The following UNC5C variants were observed in gnomAD, a reference collection of about 807,000 sequenced individuals.
UNC5C encodes unc-5 netrin receptor C.
Under a neutral mutation model 99.8 loss-of-function variants are expected in UNC5C, and 47 were observed. The observed-to-expected ratio is 0.47, with a 90% CI of 0.37 to 0.60. UNC5C has a LOEUF of 0.60. UNC5C is among the 20% of genes least tolerant of loss of function. The pLI, the probability that UNC5C is intolerant of heterozygous loss-of-function variation, is 0.00. For synonymous variants in UNC5C, 487 were observed against 452.2 expected (o/e 1.08, Z -0.98); for missense variants, 1,062 against 1,165.9 (o/e 0.91, Z 1.30).
At chr4:95,533,307 A>C (rs1578213272) in intron 1 of UNC5C, among the ~76,000 whole-genome samples, 2 of 152,078 alleles carry the variant, frequency 1.3e-5, no homozygotes, top group African/African-American at 4.8e-5. Flanking sequence ...GCCGAGGAAG[A>C]ATTGCTTGAA....
At chr4:95,425,327 C>T (rs28513552) in intron 1 of UNC5C, among the ~76,000 whole-genome samples, 17,980 of 152,196 alleles carry the variant, frequency 0.12, 2,022 homozygotes, top group African/African-American at 0.29. Flanking sequence ...AACTTTATGT[C>T]ATTTTATTTT....
intron 12 of UNC5C, among the ~76,000 whole-genome samples, chr4:95,199,422 G>A (rs1737562602): frequency 6.6e-6 from 1 of 152,100 alleles, no homozygotes; most frequent in Non-Finnish European, 1.5e-5. Context: ...GTGCAAGAAA[G>A]CCTCATCCAT....
chr4:95,535,945 A>T (rs1332840927), intron 1 of UNC5C, among the ~76,000 whole-genome samples: 1 of 152,050 alleles, frequency 6.6e-6, no homozygotes, highest in Non-Finnish European at 1.5e-5. Flanking sequence ...GATATACTTT[A>T]AAAAATGAAA....
At chr4:95,308,433 T>C (rs976380993) in intron 2 of UNC5C, among the ~76,000 whole-genome samples, 1 of 151,406 alleles carries the variant, frequency 6.6e-6, no homozygotes, top group African/African-American at 2.4e-5. Flanking sequence ...CAATAAAACA[T>C]GAAAGAAATA....
At chr4:95,528,882 C>T (rs1401195961) in intron 1 of UNC5C, among the ~76,000 whole-genome samples, 1 of 152,006 alleles carries the variant, frequency 6.6e-6, no homozygotes, top group Non-Finnish European at 1.5e-5. Flanking sequence ...CCAGTAGCCT[C>T]TGTGAGTTAA....
rs188430331 is a variant in UNC5C at position 95,301,827 on chromosome 4, C to T, written c.347-78G>A. On this transcript the variant is annotated intron_variant, in intron 2 of 15. Transcript: ENST00000453304. ...ATATAAACCATCACATCATATTTTTCCCCCAGTCATCCCTTTTGATGCCAT... is the reference window on the plus strand; with the variant it reads ...ATATAAACCATCACATCATATTTTTTCCCCAGTCATCCCTTTTGATGCCAT... 321 of 1,513,450 alleles carry T rather than the reference C, an allele frequency of 2.1e-4. No homozygotes were observed. The African/African-American group carries it at 3.9e-3, about 18-fold the overall frequency. The allele number at this position is 1,513,450 out of a possible 1,614,324, so 93.8% of individuals were successfully genotyped here.
intron 12 of UNC5C, among the ~76,000 whole-genome samples, chr4:95,201,642 C>A (rs549124574): frequency 4.6e-5 from 7 of 151,394 alleles, no homozygotes; most frequent in Admixed American, 1.3e-4. Context: ...TTCACTCTGT[C>A]GCCTAGGCTG....
At chr4:95,487,715 G>T (rs75003106) in intron 1 of UNC5C, among the ~76,000 whole-genome samples, 1 of 151,586 alleles carries the variant, frequency 6.6e-6, no homozygotes. Context: ...TAAATTTGGG[G>T]TCTAAATTAA....
chr4:95,260,155 A>C (rs140052180), intron 4 of UNC5C, among the ~76,000 whole-genome samples: 1 of 152,312 alleles, frequency 6.6e-6, no homozygotes, highest in African/African-American at 2.4e-5. Flanking sequence ...TGGGACTCAA[A>C]ATTCTGTGAC....
Position 95,504,208 on chromosome 4 carries a change from T to G in UNC5C, c.124+44526A>C, listed in dbSNP as rs964839. Among the ~76,000 whole-genome samples the G allele has an allele frequency of 7.1e-3, 1,075 of 152,262 alleles. 5 individuals are homozygous for G. The highest frequency in any genetic ancestry group is 0.024 in the Middle Eastern group (7 of 294). On this transcript the variant is annotated intron_variant, in intron 1 of 15. Transcript: ENST00000453304. ...ATGGCACTTCCTGGTCCTCCAGTTTTTGGCAAATGTATTTCATTTTTCTTT... is the reference window on the plus strand; with the variant it reads ...ATGGCACTTCCTGGTCCTCCAGTTTGTGGCAAATGTATTTCATTTTTCTTT...
chr4:95,235,704 C>T (rs1247480642), intron 7 of UNC5C, among the ~76,000 whole-genome samples: 2 of 152,138 alleles, frequency 1.3e-5, no homozygotes, highest in Admixed American at 6.6e-5. Flanking sequence ...CTACATATGG[C>T]TAGCCAGTTT....
intron 5 of UNC5C, among the ~76,000 whole-genome samples, chr4:95,249,540 A>G (rs1739618066): frequency 6.6e-6 from 1 of 152,248 alleles, no homozygotes. Context: ...ATATGTAAAT[A>G]TATAGACCAG....
intron 1 of UNC5C, among the ~76,000 whole-genome samples, chr4:95,373,529 C>A (rs1048476076): frequency 6.6e-6 from 1 of 152,128 alleles, no homozygotes; most frequent in African/African-American, 2.4e-5. Flanking sequence ...TGACTTTTAT[C>A]CCTGCCCAAT....
At chr4:95,510,220 TA>T (rs1722033590) in intron 1 of UNC5C, among the ~76,000 whole-genome samples, 1 of 152,058 alleles carries the variant, frequency 6.6e-6, no homozygotes, top group Non-Finnish European at 1.5e-5. Flanking sequence ...ATATGTTTAT[TA>T]AAAATGAAAA....
At chr4:95,226,617 T>A (rs756899831) in intron 7 of UNC5C, among the ~76,000 whole-genome samples, 39 of 152,316 alleles carry the variant, frequency 2.6e-4, no homozygotes, top group Non-Finnish European at 4.3e-4. Flanking sequence ...AGAGAAGCCG[T>A]ATGCAATGCT....
In UNC5C at chr4:95,548,716, C is replaced by T. The variant is rs781342517; in HGVS notation, c.124+18G>A. On this transcript the variant is annotated intron_variant, in intron 1 of 15. Coordinates refer to ENST00000453304, the MANE Select transcript of UNC5C (RefSeq NM_003728.4). ...GAAGCTAAGGGAGGTGGCCGCGGAG[C>T]TTGGCGGACCCCCTTACCTTGGGCG... 3 of 1,611,258 alleles carry T rather than the reference C, an allele frequency of 1.9e-6. No homozygotes were observed. The African/African-American group carries it at 4.0e-5, about 22-fold the overall frequency.
chr4:95,271,405 T>A (rs1275454462), intron 4 of UNC5C, among the ~76,000 whole-genome samples: 1 of 151,862 alleles, frequency 6.6e-6, no homozygotes, highest in Non-Finnish European at 1.5e-5. Flanking sequence ...TTTTTTTGTG[T>A]TTTTTAGTAG....
chr4:95,378,394 C>CA (rs1744959641), intron 1 of UNC5C, among the ~76,000 whole-genome samples: 1 of 112,964 alleles, frequency 8.9e-6, no homozygotes, highest in Non-Finnish European at 1.7e-5. Flanking sequence ...AGAAAGCCTA[C>CA]GTAACTATCA....
At chr4:95,502,609 C>A (rs1006095831) in intron 1 of UNC5C, among the ~76,000 whole-genome samples, 1 of 152,176 alleles carries the variant, frequency 6.6e-6, no homozygotes, top group African/African-American at 2.4e-5. Flanking sequence ...GCTAGACTTA[C>A]ATTTAATCTG....
Sources: gnomAD v4.1 joint callset for allele counts (sites outside exome capture counted in the v4.1 genomes callset) on GRCh38, gnomAD v4.1.1 for gene constraint, MANE v1.5 for transcripts, NCBI Gene and HGNC (gene_info 2026-07-23, HGNC 2026-07-21) for gene names.